Variants in KLHL22 observed in about 807,000 individuals in gnomAD.
KLHL22 encodes the protein kelch-like protein 22.
In KLHL22, 18 loss-of-function variants were observed where a neutral mutation model predicts 60.7. The ratio of observed to expected loss-of-function variants is 0.30; its 90% confidence interval spans 0.20 to 0.44. The LOEUF is 0.44. Among genes scored for constraint, KLHL22 ranks in the 20% least tolerant of loss-of-function variants. The probability of loss-of-function intolerance (pLI) is 1.00; values close to 1 mark genes in which losing one functional copy is unlikely to be tolerated. For missense variants in KLHL22, 596 were observed against 852.3 expected, an observed-to-expected ratio of 0.70 and a Z score of 3.74; for synonymous variants, 355 against 354.5, an observed-to-expected ratio of 1.00 and a Z score of -0.01.
At chr22:20,458,271 C>T (rs73156954) in intron 4 of KLHL22, among the ~76,000 whole-genome samples, 119 of 131,392 alleles carry the variant, frequency 9.1e-4, no homozygotes, top group Non-Finnish European at 1.6e-3. Context: ...TGTCCAATGG[C>T]TCTTTTTTTT....
intron 2 of KLHL22, among the ~76,000 whole-genome samples, chr22:20,474,630 G>A (rs910276593): frequency 7.9e-5 from 12 of 152,080 alleles, no homozygotes; most frequent in Non-Finnish European, 4.4e-5. Context: ...GACCTCAGGT[G>A]ATCCACCCGC....
intron 1 of KLHL22, among the ~76,000 whole-genome samples, chr22:20,494,075 C>CCA (rs2053731145): frequency 1.5e-4 from 1 of 6,564 alleles, no homozygotes; most frequent in Non-Finnish European, 3.7e-4. Context: ...CCAGACTTTG[C>CCA]CCCCCCCCCA....
intron 2 of KLHL22, among the ~76,000 whole-genome samples, chr22:20,485,344 C>A (rs1230292302): frequency 2.6e-5 from 4 of 152,080 alleles, no homozygotes; most frequent in Non-Finnish European, 4.4e-5. Context: ...AAGTTATTAA[C>A]AAAAGTCAAA....
At chr22:20,482,636 G>A (rs1296680531) in intron 2 of KLHL22, among the ~76,000 whole-genome samples, 2 of 151,812 alleles carry the variant, frequency 1.3e-5, no homozygotes, top group Non-Finnish European at 1.5e-5. Context: ...GCAGTGGTGC[G>A]ATCTCGGCTC....
At chr22:20,475,878 G>A (rs899307555) in intron 2 of KLHL22, among the ~76,000 whole-genome samples, 1 of 152,084 alleles carries the variant, frequency 6.6e-6, no homozygotes, top group African/African-American at 2.4e-5. Context: ...TCTAATTTTT[G>A]AGGCTATCTT....
chr22:20,494,251 G>A (rs2053735984), intron 1 of KLHL22, among the ~76,000 whole-genome samples: 1 of 152,166 alleles, frequency 6.6e-6, no homozygotes, highest in Admixed American at 6.5e-5. Flanking sequence ...TACACCTGTA[G>A]TCCTGGCTAT....
At chr22:20,451,266 C>A in intron 5 of KLHL22, 1 of 1,605,124 alleles carries the variant, frequency 6.2e-7, no homozygotes, top group South Asian at 1.1e-5. Flanking sequence ...TGATCTATGT[C>A]TCTGGAGGCT....
chr22:20,473,383 C>G (rs558148588), intron 2 of KLHL22, among the ~76,000 whole-genome samples: 5 of 152,104 alleles, frequency 3.3e-5, no homozygotes, highest in Non-Finnish European at 7.4e-5. Context: ...CTGGGAGTCC[C>G]GTGATTGTGT....
At position 20,443,556 on chromosome 22, in the gene KLHL22, T is replaced by C. The variant is rs746106428; in HGVS notation, c.1540-1118A>G. Among the ~76,000 whole-genome samples the C allele has an allele frequency of 1.3e-4, 19 of 151,512 alleles. No individual in the cohort carries two copies. The East Asian group carries it at 2.3e-3, about 19-fold the overall frequency. The stretch of plus-strand genomic sequence containing the variant: ...GAGATCAAGACCATCCTGGCCAACA[T>C]GGTGAAACCTCGTCTCTACTAAAAA... On this transcript the variant is annotated intron_variant, in intron 6 of 6. Transcript: ENST00000328879.
chr22:20,459,819 T>C (rs1000339965), intron 4 of KLHL22, among the ~76,000 whole-genome samples: 1 of 152,208 alleles, frequency 6.6e-6, no homozygotes, highest in African/African-American at 2.4e-5. Context: ...GGGCCCTGCC[T>C]TCCCCTGCAG....
chr22:20,457,155 C>T (rs2146197204), intron 5 of KLHL22, among the ~76,000 whole-genome samples: 1 of 152,156 alleles, frequency 6.6e-6, no homozygotes, highest in South Asian at 2.1e-4. Context: ...GCCTGAGTAC[C>T]CCAAAGTCGT....
intron 5 of KLHL22, among the ~76,000 whole-genome samples, chr22:20,456,009 T>C (rs1220788486): frequency 1.3e-5 from 2 of 152,234 alleles, no homozygotes; most frequent in Non-Finnish European, 2.9e-5. Flanking sequence ...CTTACACTTA[T>C]CTTCGTTAAT....
At chr22:20,489,817 C>T (rs2053653380) in intron 1 of KLHL22, 2 of 470,766 alleles carry the variant, frequency 4.2e-6, no homozygotes, top group African/African-American at 2.0e-5. Flanking sequence ...AGGTGGGTGC[C>T]AAGGGGGTGG....
chr22:20,470,684 A>ATGGATGGATGGG (rs2053302627), intron 3 of KLHL22, among the ~76,000 whole-genome samples: 1 of 98,506 alleles, frequency 1.0e-5, no homozygotes, highest in Non-Finnish European at 2.9e-5. Flanking sequence ...GGATGGGTGG[A>ATGGATGGATGGG]TGGATGGATG....
Position 20,471,373 on chromosome 22 carries a change from G to A in KLHL22, c.370C>T (p.Leu124=), listed in dbSNP as rs779806842. 1.2e-6 allele frequency: 2 copies of A among 1,613,878 alleles called. No individual in the cohort carries two copies. Among genetic ancestry groups the A allele is most frequent in the Non-Finnish European group, 1.7e-6 (2 of 1,179,824 alleles). Reference sequence around the variant, plus strand: ...ACCTGAAGCTGGCAGGCAGCCACCAGTGTCTCTTGTACATTGCTCAGGCTG... The same window carrying A: ...ACCTGAAGCTGGCAGGCAGCCACCAATGTCTCTTGTACATTGCTCAGGCTG... ...ELSLSNVQET[L]VAACQLQIPE... The change falls in exon 3 of 7, where the codon CTG becomes TTG. Residue 124 remains leucine (L), a synonymous_variant. Transcript: ENST00000328879.
chr22:20,465,329 T>A lies in KLHL22; in HGVS notation c.641A>T (p.Tyr214Phe). Residue 214 changes from tyrosine to phenylalanine, a missense_variant, in exon 4 of 7, where the codon TAT (tyrosine) becomes TTT (phenylalanine). Tyr to Phe is a conservative substitution (Grantham distance 22). Transcript: ENST00000328879. The surrounding 1 kb of genome is among the most constrained non-coding windows in gnomAD (Gnocchi z 4.9). ...RLEVSCETEV[Y>F]EGALLYHYSL... is the part of the protein sequence containing the mutation. ...ATAATGGTAGAGAAGGGCCCCCTCA[T>A]ATACCTCGGTCTCGCAGGAGACCTC... is the stretch of plus-strand genomic sequence containing the variant. 6.2e-7 allele frequency: 1 copy of A among 1,614,070 alleles called. No homozygotes were observed. Among genetic ancestry groups the A allele is most frequent in the Non-Finnish European group, 8.5e-7 (1 of 1,180,024 alleles).
rs1384437896 is a variant in KLHL22 at position 20,465,268 on chromosome 22, C to A, written c.702G>T (p.Leu234=). ...LEQVQADQIS[L]HEPPKLLETV... ...TCTCAAGGAGCTTTGGGGGCTCGTG[C>A]AGCGAGATCTGGTCAGCCTGCACCT... Residue 234 remains leucine (L), a synonymous_variant, in exon 4 of 7, where the codon CTG becomes CTT. Transcript: ENST00000328879. This position sits in a 1 kb window ranked among gnomAD's most constrained non-coding sequence, Gnocchi z 4.9. 1 of 1,613,960 alleles carries A rather than the reference C, an allele frequency of 6.2e-7. No individual in the cohort carries two copies. The highest frequency in any genetic ancestry group is 8.5e-7 in the Non-Finnish European group (1 of 1,180,004).
intron 5 of KLHL22, among the ~76,000 whole-genome samples, chr22:20,455,130 G>A (rs572707745): frequency 3.9e-5 from 6 of 152,208 alleles, no homozygotes; most frequent in South Asian, 2.1e-4. Flanking sequence ...GATCCCCCCC[G>A]CCTGGGCCTC....
intron 2 of KLHL22, chr22:20,488,487 A>G (rs892181588): frequency 2.4e-5 from 4 of 168,686 alleles, no homozygotes; most frequent in African/African-American, 9.6e-5. Context: ...ACCCAGTGGA[A>G]AAGACAGATA....
Sources: gnomAD v4.1 joint callset for allele counts (sites outside exome capture counted in the v4.1 genomes callset) on GRCh38, gnomAD v4.1.1 for gene constraint, Gnocchi (gnomAD v3.1) non-coding constraint, MANE v1.5 for transcripts, NCBI Gene and HGNC (gene_info 2026-07-23, HGNC 2026-07-21) for gene names.